ODF2: variants seen among roughly 807,000 people sequenced by gnomAD.
ODF2 encodes the protein outer dense fiber of sperm tails 2.
Under a neutral mutation model 110.2 loss-of-function variants are expected in ODF2, and 47 were observed. The observed-to-expected ratio is 0.43, with a 90% CI of 0.34 to 0.54. ODF2 has a LOEUF of 0.54. ODF2 is among the 20% of genes least tolerant of loss of function. The pLI is 0.03. For missense variants in ODF2, 812 were observed against 1,054.5 expected (o/e 0.77, Z 3.19); for synonymous variants, 352 against 397.7 (o/e 0.89, Z 1.37).
upstream of ODF2, chr9:128,455,268 T>C (rs1421969605): frequency 2.6e-6 from 4 of 1,527,422 alleles, no homozygotes; most frequent in South Asian, 1.2e-5. Flanking sequence ...AGGAGGGTAG[T>C]AGACCGGGCG....
exon 5 of ODF2, chr9:128,469,205 T>G: frequency 6.2e-7 from 1 of 1,613,904 alleles, no homozygotes; most frequent in Non-Finnish European, 8.5e-7. Flanking sequence ...TGCCTGGAGA[T>G]CACGCCACCA....
At chr9:128,499,103 C>G (rs991482129) in exon 20 of ODF2, 3 of 1,614,082 alleles carry the variant, frequency 1.9e-6, no homozygotes, top group Non-Finnish European at 2.5e-6. Flanking sequence ...GGAATTGAGC[C>G]AGCTGCGGCG....
At chr9:128,491,673 T>C (rs1003352682) in intron 14 of ODF2, among the ~76,000 whole-genome samples, 3 of 151,286 alleles carry the variant, frequency 2.0e-5, no homozygotes, top group African/African-American at 7.3e-5. Flanking sequence ...CAAAAAAAAA[T>C]AAACAAATAA....
chr9:128,467,517 G>T (rs1385671785), intron 4 of ODF2, among the ~76,000 whole-genome samples: 2 of 151,842 alleles, frequency 1.3e-5, no homozygotes, highest in South Asian at 2.1e-4. Context: ...GGCCAAGACG[G>T]GCTTATCACC....
Position 128,483,932 on chromosome 9 carries a change from C to A in ODF2, c.988-6C>A. The A allele has an allele frequency of 6.2e-7, 1 of 1,604,972 alleles. No homozygotes were observed. Among genetic ancestry groups the A allele is most frequent in the South Asian group, 1.1e-5 (1 of 90,930 alleles). ...TGCCTCCATCACTTTTTCCGTCTCTCCACAGGCTCAAGCAAAGACAGCCTC... is the reference window on the plus strand; with the variant it reads ...TGCCTCCATCACTTTTTCCGTCTCTACACAGGCTCAAGCAAAGACAGCCTC... On this transcript the variant is annotated splice_region_variant and splice_polypyrimidine_tract_variant and intron_variant, in intron 10 of 20. Transcript: ENST00000604420.
chr9:128,484,878 G>T (rs1374445698), exon 12 of ODF2: 1 of 1,613,418 alleles, frequency 6.2e-7, no homozygotes, highest in East Asian at 2.2e-5. Context: ...CGTGCAACTC[G>T]CTGACAAGGT....
intron 2 of ODF2, among the ~76,000 whole-genome samples, chr9:128,458,781 A>G (rs781667317): frequency 2.0e-5 from 3 of 151,958 alleles, no homozygotes; most frequent in Non-Finnish European, 4.4e-5. Flanking sequence ...CCTTAATTTG[A>G]TGAGTGTGCG....
rs753746177 is a variant in ODF2 at position 128,499,125 on chromosome 9, ATG to A, written c.2301+2_2301+3del. 14 of 1,614,150 alleles carry A rather than the reference ATG, an allele frequency of 8.7e-6. No individual in the cohort carries two copies. The highest frequency in any genetic ancestry group is 1.2e-5 in the Non-Finnish European group (14 of 1,179,994). On this transcript the variant is annotated splice_donor_variant and coding_sequence_variant, in exon 20 of 21. Coordinates refer to ENST00000604420, the Ensembl canonical transcript of ODF2. LOFTEE classifies it high-confidence loss of function. ...AGCCAGCTGCGGCGGAGCCGTGATG[ATG>A]TGAGTCAGGCTGGTGGGCCGGGCTA...
chr9:128,481,608 G>A (rs1485522455), exon 9 of ODF2: 12 of 1,613,892 alleles, frequency 7.4e-6, no homozygotes, highest in African/African-American at 1.3e-5. Flanking sequence ...GAGCAACAAG[G>A]AGCACTGCTG....
chr9:128,461,110 G>C, intron 4 of ODF2, 43 bp downstream of exon 4: 1 of 1,599,042 alleles, frequency 6.3e-7, no homozygotes, highest in Non-Finnish European at 8.5e-7. Flanking sequence ...GGACTGCTCA[G>C]ATCCTAGCAG....
intron 3 of ODF2, 97 bp from the exon 4 acceptor site, chr9:128,460,845 C>G (rs1836260575): frequency 6.4e-7 from 1 of 1,557,380 alleles, no homozygotes; most frequent in East Asian, 2.3e-5. Flanking sequence ...TAACATTAGT[C>G]AGAAGAGGCA....
chr9:128,458,439 G>T lies in ODF2; in HGVS notation c.32+1002G>T, dbSNP rs1302344109. ...ATTGGGCCACTGCACTCCAGCCTGG[G>T]CGACAGAGCGAGACTCTATCTCAAA... is the stretch of plus-strand genomic sequence containing the variant. On this transcript the variant is annotated intron_variant, in intron 2 of 20. Coordinates refer to ENST00000604420, the Ensembl canonical transcript of ODF2. 2.7e-5 allele frequency among the ~76,000 whole-genome samples: 4 copies of T among 148,816 alleles called. No individual in the cohort carries two copies. The East Asian group carries it at 7.9e-4, about 29-fold the overall frequency.
At chr9:128,465,825 T>C (rs1837709321) in intron 4 of ODF2, among the ~76,000 whole-genome samples, 1 of 151,772 alleles carries the variant, frequency 6.6e-6, no homozygotes, top group South Asian at 2.1e-4. Flanking sequence ...CTGGCTGCTA[T>C]TAAGTTTCAA....
At chr9:128,459,580 G>A (rs894876073) in exon 3 of ODF2, 3 of 1,613,704 alleles carry the variant, frequency 1.9e-6, no homozygotes, top group Non-Finnish European at 2.5e-6. Context: ...TCCATCGTGT[G>A]GGAAGAACGG....
chr9:128,487,804 AACACACACACACAC>A (rs5900801), intron 13 of ODF2, 72 bp from the exon 14 acceptor site: 1 of 75,968 alleles, frequency 1.3e-5, no homozygotes, highest in African/African-American at 9.3e-5. Context: ...AAACAAACAA[AACACACACACACAC>A]ACACACACAC....
exon 12 of ODF2, chr9:128,484,804 A>G: frequency 6.2e-7 from 1 of 1,613,874 alleles, no homozygotes; most frequent in Non-Finnish European, 8.5e-7. Context: ...GAGAGCTTGA[A>G]GAAGGCCATC....
chr9:128,491,471 A>C (rs1257718079), intron 14 of ODF2, among the ~76,000 whole-genome samples: 1 of 151,966 alleles, frequency 6.6e-6, no homozygotes, highest in Non-Finnish European at 1.5e-5. Flanking sequence ...CAGCCTGGCC[A>C]ACATGGTAAA....
chr9:128,460,036 G>C (rs1358167008), intron 3 of ODF2: 4 of 785,490 alleles, frequency 5.1e-6, no homozygotes, highest in Non-Finnish European at 7.6e-6. Flanking sequence ...AATCTAGACA[G>C]CCTTCTCATC....
chr9:128,475,739 G>A (rs970169708), intron 8 of ODF2, among the ~76,000 whole-genome samples: 4 of 151,712 alleles, frequency 2.6e-5, no homozygotes, highest in East Asian at 1.9e-4. Context: ...TCCGCCTCCC[G>A]GTTTCAAGTG....
Sources: allele counts gnomAD v4.1 joint callset (sites outside exome capture counted in the v4.1 genomes callset), GRCh38; gene constraint gnomAD v4.1.1; transcripts MANE v1.5; gene names NCBI Gene and HGNC (gene_info 2026-07-23, HGNC 2026-07-21).